MSRA: variants seen among roughly 807,000 people sequenced by gnomAD.
The protein encoded by MSRA is mitochondrial peptide methionine sulfoxide reductase.
Under a neutral mutation model 31.3 loss-of-function variants are expected in MSRA, and 54 were observed. The ratio of observed to expected loss-of-function variants is 1.73; its 90% CI spans 1.39 to 2.17. MSRA has a LOEUF of 2.17. Among genes scored for constraint, MSRA ranks in the 30% most tolerant of loss-of-function variants. MSRA has a pLI of 0.00. For synonymous variants in MSRA, 169 were observed against 116.5 expected, an observed-to-expected ratio of 1.45 and a Z score of -2.90; for missense variants, 507 against 300.9, an observed-to-expected ratio of 1.69 and a Z score of -5.07.
intron 4 of MSRA, among the ~76,000 whole-genome samples, chr8:10,318,986 A>G (rs1029447170): frequency 5.3e-5 from 8 of 152,168 alleles, no homozygotes; most frequent in Non-Finnish European, 1.0e-4. Context: ...ACCTGCTGCC[A>G]AGACAAGTCA....
chr8:10,153,352 C>T (rs907199523), intron 1 of MSRA, among the ~76,000 whole-genome samples: 1 of 152,136 alleles, frequency 6.6e-6, no homozygotes, highest in African/African-American at 2.4e-5. Flanking sequence ...CTTCCTTTCC[C>T]TCCTGATGGC....
chr8:10,098,060 G>A (rs1447740982), intron 1 of MSRA, among the ~76,000 whole-genome samples: 2 of 152,066 alleles, frequency 1.3e-5, no homozygotes, highest in Admixed American at 1.3e-4. Flanking sequence ...TTAAGAAGTT[G>A]CGTTGATTAC....
intron 1 of MSRA, among the ~76,000 whole-genome samples, chr8:10,106,855 A>T (rs1277636630): frequency 1.3e-5 from 2 of 151,176 alleles, no homozygotes; most frequent in Non-Finnish European, 3.0e-5. Flanking sequence ...CCACCTAACT[A>T]CCCACGCACC....
At chr8:10,381,580 G>T (rs929096978) in intron 5 of MSRA, among the ~76,000 whole-genome samples, 5 of 152,180 alleles carry the variant, frequency 3.3e-5, no homozygotes, top group Non-Finnish European at 7.3e-5. Context: ...AGACTAGGCT[G>T]GTAGAGGTGG....
At chr8:10,235,926 G>C (rs1398784208) in intron 2 of MSRA, among the ~76,000 whole-genome samples, 4 of 152,128 alleles carry the variant, frequency 2.6e-5, no homozygotes, top group Admixed American at 2.6e-4. Flanking sequence ...AGCACAGGTA[G>C]TTCAGTGTTA....
At chr8:10,397,654 G>A (rs1807181788) in intron 5 of MSRA, among the ~76,000 whole-genome samples, 1 of 152,206 alleles carries the variant, frequency 6.6e-6, no homozygotes, top group African/African-American at 2.4e-5. Flanking sequence ...GGAATTGGAA[G>A]ACTCTCTGCA....
At chr8:10,351,245 CTTTTTTTTTTTTTTTT>C (rs71203317) in intron 5 of MSRA, among the ~76,000 whole-genome samples, 2 of 56,806 alleles carry the variant, frequency 3.5e-5, no homozygotes, top group Non-Finnish European at 6.3e-5. Flanking sequence ...CTGAAGGAGA[CTTTTTTTTTTTTTTTT>C]TTTTTTTTTT....
At chr8:10,182,508 G>A (rs1806632930) in intron 1 of MSRA, among the ~76,000 whole-genome samples, 1 of 152,194 alleles carries the variant, frequency 6.6e-6, no homozygotes, top group South Asian at 2.1e-4. Flanking sequence ...ACTGGGGAAG[G>A]ATCTGCTTCC....
chr8:10,126,155 C>G (rs989582368), intron 1 of MSRA, among the ~76,000 whole-genome samples: 4 of 152,192 alleles, frequency 2.6e-5, no homozygotes, highest in Non-Finnish European at 4.4e-5. Context: ...GTAACTAACA[C>G]ATTAATGAAT....
intron 5 of MSRA, among the ~76,000 whole-genome samples, chr8:10,404,404 A>G (rs187211738): frequency 4.5e-4 from 69 of 152,020 alleles, no homozygotes; most frequent in African/African-American, 1.5e-3. Context: ...TCCCGTCACC[A>G]CCCCCCAACC....
rs1463851202 is a variant in MSRA, at chr8:10,428,706, C to T, written c.*394C>T. 1.4e-5 allele frequency: 3 copies of T among 212,914 alleles called. No individual in the cohort carries two copies. Among genetic ancestry groups the T allele is most frequent in the South Asian group, 8.0e-5 (1 of 12,498 alleles). The allele number at this position is 212,914 out of a possible 1,614,324, so 13.2% of individuals were successfully genotyped here. The stretch of plus-strand genomic sequence containing the variant: ...CTTACAATTTGCAAACGTGTATAGC[C>T]TCAGTGACTCATTCGCTGAAATCCT... On this transcript the variant is annotated 3_prime_UTR_variant, in exon 6 of 6. Coordinates refer to ENST00000317173, the MANE Select transcript of MSRA (RefSeq NM_012331.5).
At chr8:10,403,005 C>G (rs1807560052) in intron 5 of MSRA, among the ~76,000 whole-genome samples, 1 of 152,164 alleles carries the variant, frequency 6.6e-6, no homozygotes, top group Non-Finnish European at 1.5e-5. Flanking sequence ...TCTAAGCAAC[C>G]AGAAGTTATG....
chr8:10,186,830 A>C (rs1276411821), intron 1 of MSRA, among the ~76,000 whole-genome samples: 1 of 152,108 alleles, frequency 6.6e-6, no homozygotes. Context: ...GAAATGTTAG[A>C]TTTAAAACCT....
At chr8:10,072,133 G>A (rs539176048) in intron 1 of MSRA, among the ~76,000 whole-genome samples, 62 of 152,196 alleles carry the variant, frequency 4.1e-4, no homozygotes, top group South Asian at 1.9e-3. Context: ...GAACAAAGGC[G>A]CACACATGAG....
At chr8:10,257,551 C>T (rs1585293183) in intron 3 of MSRA, among the ~76,000 whole-genome samples, 1 of 152,150 alleles carries the variant, frequency 6.6e-6, no homozygotes, top group South Asian at 2.1e-4. Context: ...GGATTATAGG[C>T]ACGCACCACC....
At chr8:10,286,022 G>A (rs772254880) in intron 3 of MSRA, among the ~76,000 whole-genome samples, 41 of 152,122 alleles carry the variant, frequency 2.7e-4, no homozygotes, top group Non-Finnish European at 5.0e-4. Flanking sequence ...GCTTCTTGGT[G>A]CAGGCATGTC....
chr8:10,332,423 A>G (rs1186064274), intron 5 of MSRA, among the ~76,000 whole-genome samples: 1 of 151,494 alleles, frequency 6.6e-6, no homozygotes, highest in Non-Finnish European at 1.5e-5. Context: ...TGAATAATTC[A>G]TTGACTTACC....
At chr8:10,200,904 TG>T (rs1431863987) in intron 1 of MSRA, among the ~76,000 whole-genome samples, 1 of 152,102 alleles carries the variant, frequency 6.6e-6, no homozygotes, top group African/African-American at 2.4e-5. Context: ...GGAGAGGACC[TG>T]GGCAGGATCA....
At chr8:10,086,787 A>G (rs1054440403) in intron 1 of MSRA, among the ~76,000 whole-genome samples, 3 of 151,120 alleles carry the variant, frequency 2.0e-5, no homozygotes, top group African/African-American at 7.3e-5. Flanking sequence ...GACTATGTAT[A>G]TACTAGTGGA....
Sources: gnomAD v4.1 joint callset for allele counts (sites outside exome capture counted in the v4.1 genomes callset) on GRCh38, gnomAD v4.1.1 for gene constraint, MANE v1.5 for transcripts, NCBI Gene and HGNC (gene_info 2026-07-23, HGNC 2026-07-21) for gene names.